SDK1: variants seen among roughly 807,000 people sequenced by gnomAD.
SDK1 encodes protein sidekick-1.
A neutral mutation model predicts 245.5 loss-of-function variants in SDK1; 157 were observed. That is an observed-to-expected ratio of 0.64 (90% CI 0.56 to 0.73). The LOEUF (loss-of-function observed/expected upper bound fraction) is 0.73, where lower values mean the gene tolerates loss of function less well. Ranked by LOEUF, SDK1 falls within the 30% of genes least tolerant of loss-of-function variation. The pLI is 0.00. For missense variants in SDK1, 3,583 were observed against 3,002.3 expected (o/e 1.19, Z -4.52); for synonymous variants, 1,647 against 1,278.5 (o/e 1.29, Z -6.15).
At chr7:4,148,424 C>G (rs1455636172) in intron 29 of SDK1, among the ~76,000 whole-genome samples, 1 of 152,234 alleles carries the variant, frequency 6.6e-6, no homozygotes, top group African/African-American at 2.4e-5. Flanking sequence ...CGGGCCTGGC[C>G]CCAGGCACCC....
intron 1 of SDK1, among the ~76,000 whole-genome samples, chr7:3,456,564 T>TA (rs1350988064): frequency 6.6e-6 from 1 of 152,226 alleles, no homozygotes; most frequent in African/African-American, 2.4e-5. Context: ...CATTTGTTTT[T>TA]AAAAAAATAA....
chr7:3,890,073 C>G (rs1285107201), intron 5 of SDK1, among the ~76,000 whole-genome samples: 1 of 152,198 alleles, frequency 6.6e-6, no homozygotes, highest in African/African-American at 2.4e-5. Flanking sequence ...CTTGGGAGAC[C>G]GTCTGTCCCT....
At chr7:3,344,361 A>G (rs1349271769) in intron 1 of SDK1, among the ~76,000 whole-genome samples, 2 of 152,226 alleles carry the variant, frequency 1.3e-5, no homozygotes, top group Non-Finnish European at 2.9e-5. Flanking sequence ...TATCTTGGAA[A>G]GCTGAAGCTC....
intron 1 of SDK1, among the ~76,000 whole-genome samples, chr7:3,477,396 T>C (rs775428515): frequency 5.9e-5 from 9 of 151,404 alleles, no homozygotes; most frequent in Non-Finnish European, 1.3e-4. Flanking sequence ...GGGTTTCACC[T>C]TGTTGGCCAG....
intron 4 of SDK1, among the ~76,000 whole-genome samples, chr7:3,723,681 T>TATACACGTACATATACATATAC (rs1778895807): frequency 6.6e-6 from 1 of 150,562 alleles, no homozygotes; most frequent in African/African-American, 2.5e-5. Flanking sequence ...TGTGTGTGTA[T>TATACACGTACATATACATATAC]ACGTGTATAT....
intron 1 of SDK1, among the ~76,000 whole-genome samples, chr7:3,569,902 T>G (rs765493729): frequency 1.8e-4 from 27 of 152,330 alleles, no homozygotes; most frequent in Non-Finnish European, 2.9e-4. Flanking sequence ...TTGGTGCAGC[T>G]TGTGTTTGAT....
In SDK1 at chr7:3,473,561, G is replaced by A. The variant is rs73296778; in HGVS notation, c.299-145519G>A. Among the ~76,000 whole-genome samples, 823 of 152,244 alleles carry A rather than the reference G, an allele frequency of 5.4e-3. 9 individuals are homozygous for A. Among genetic ancestry groups the A allele is most frequent in the African/African-American group, 0.019 (793 of 41,538 alleles). The stretch of plus-strand genomic sequence containing the variant: ...ATAGGACTCTTGCAGTATGTGGGAC[G>A]TTGGCTGTCCTAAATGACCTCCAAA... On this transcript the variant is annotated intron_variant, in intron 1 of 44. Coordinates refer to ENST00000404826, the MANE Select transcript of SDK1 (RefSeq NM_152744.4).
rs904628152 is a variant in SDK1, at chr7:3,677,539, A to T, written c.713+35434A>T. ...CTCGTGAGACTTATTCACTACCACA[A>T]GAATGGTATGGGGGAAACCACCCCC... On this transcript the variant is annotated intron_variant, in intron 4 of 44. Coordinates refer to ENST00000404826, the MANE Select transcript of SDK1 (RefSeq NM_152744.4). Among the ~76,000 whole-genome samples, 6 of 152,338 alleles carry T rather than the reference A, an allele frequency of 3.9e-5. No homozygotes were observed. The East Asian group carries it at 1.2e-3, about 29-fold the overall frequency.
chr7:3,614,016 A>C (rs1373544719), intron 1 of SDK1, among the ~76,000 whole-genome samples: 3 of 152,196 alleles, frequency 2.0e-5, no homozygotes, highest in African/African-American at 7.2e-5. Context: ...GAAGAGTAAC[A>C]ATGGATACTA....
intron 1 of SDK1, among the ~76,000 whole-genome samples, chr7:3,398,240 G>T (rs897148870): frequency 6.6e-6 from 1 of 152,034 alleles, no homozygotes. Flanking sequence ...ACCGCCTTAA[G>T]TAGAGTCTGT....
intron 44 of SDK1, among the ~76,000 whole-genome samples, chr7:4,256,748 C>T (rs953120976): frequency 6.6e-6 from 1 of 152,170 alleles, no homozygotes; most frequent in Non-Finnish European, 1.5e-5. Flanking sequence ...TTCTGCTCAC[C>T]GTCTTCTCCA....
At chr7:3,508,540 C>T (rs988314626) in intron 1 of SDK1, among the ~76,000 whole-genome samples, 2 of 151,978 alleles carry the variant, frequency 1.3e-5, no homozygotes, top group Admixed American at 6.6e-5. Flanking sequence ...GTTGGCCAGG[C>T]TGGTCTCGAA....
At chr7:3,515,910 T>G (rs1782731354) in intron 1 of SDK1, among the ~76,000 whole-genome samples, 1 of 152,168 alleles carries the variant, frequency 6.6e-6, no homozygotes, top group African/African-American at 2.4e-5. Flanking sequence ...GGAAGAGATT[T>G]AGCTGAAATT....
In SDK1 at chr7:3,456,664, C is replaced by A. The variant is rs116524584; in HGVS notation, c.298+154780C>A. On this transcript the variant is annotated intron_variant, in intron 1 of 44. Transcript: ENST00000404826. ...ATTTTTGTGATGGCTGCTTTAAAAT[C>A]CTTGTCAGATAATTCCAACATATGT... Among the ~76,000 whole-genome samples the A allele has an allele frequency of 8.8e-3, 1,332 of 152,168 alleles. 15 individuals are homozygous for A. The highest frequency in any genetic ancestry group is 0.018 in the South Asian group (89 of 4,818).
intron 5 of SDK1, among the ~76,000 whole-genome samples, chr7:3,847,986 C>T (rs893372685): frequency 6.6e-6 from 1 of 152,236 alleles, no homozygotes; most frequent in Non-Finnish European, 1.5e-5. Context: ...ATCGTACTTT[C>T]CTGCAACATA....
At chr7:3,397,033 G>GT (rs1251191056) in intron 1 of SDK1, among the ~76,000 whole-genome samples, 1 of 151,412 alleles carries the variant, frequency 6.6e-6, no homozygotes, top group Non-Finnish European at 1.5e-5. Flanking sequence ...TACTTTCTTA[G>GT]TGGTTATCCT....
intron 1 of SDK1, among the ~76,000 whole-genome samples, chr7:3,557,032 GTTA>G: frequency 1.1e-5 from 1 of 90,368 alleles, no homozygotes; most frequent in South Asian, 4.4e-4. Flanking sequence ...AATAATCTAA[GTTA>G]ATACCTCAAG....
At chr7:3,530,071 T>A (rs986256677) in intron 1 of SDK1, among the ~76,000 whole-genome samples, 2 of 152,164 alleles carry the variant, frequency 1.3e-5, no homozygotes, top group African/African-American at 4.8e-5. Flanking sequence ...CAAGAAATTT[T>A]AAAGACTCTC....
At chr7:3,662,928 C>T (rs1783411691) in intron 4 of SDK1, among the ~76,000 whole-genome samples, 1 of 152,130 alleles carries the variant, frequency 6.6e-6, no homozygotes, top group Admixed American at 6.6e-5. Flanking sequence ...AAATACGAAG[C>T]ACTTATGGTT....
Sources: allele counts gnomAD v4.1 joint callset (sites outside exome capture counted in the v4.1 genomes callset), GRCh38; gene constraint gnomAD v4.1.1; transcripts MANE v1.5; gene names NCBI Gene and HGNC (gene_info 2026-07-23, HGNC 2026-07-21).